Variants in PKD2L1 observed in about 807,000 individuals in gnomAD.
PKD2L1 encodes polycystin-2-like protein 1.
PKD2L1 carries 77 observed loss-of-function variants against 93.0 expected under a neutral mutation model. The ratio of observed to expected loss-of-function variants is 0.83; its 90% confidence interval spans 0.69 to 1.00. The LOEUF (loss-of-function observed/expected upper bound fraction) is 1.00. Ranked by LOEUF, PKD2L1 falls within the 50% of genes least tolerant of loss-of-function variation. The probability of loss-of-function intolerance (pLI) is 0.00; values close to 1 mark genes in which losing one functional copy is unlikely to be tolerated. For synonymous variants in PKD2L1, 390 were observed against 388.0 expected (o/e 1.01, Z -0.06); for missense variants, 977 against 990.9 (o/e 0.99, Z 0.19).
chr10:100,302,809 T>C (rs1024398960), intron 2 of PKD2L1, among the ~76,000 whole-genome samples: 1 of 152,232 alleles, frequency 6.6e-6, no homozygotes, highest in African/African-American at 2.4e-5. Flanking sequence ...ATAATTTTTT[T>C]CCTTTTGCTA....
At chr10:100,294,877 A>G (rs1589661744) in intron 8 of PKD2L1, 65 bp downstream of exon 8, 1 of 1,453,550 alleles carries the variant, frequency 6.9e-7, no homozygotes, top group East Asian at 2.3e-5. Flanking sequence ...TTCCCCAAGG[A>G]TACATACACC....
At chr10:100,289,471 G>A (rs1262483110) in intron 14 of PKD2L1, among the ~76,000 whole-genome samples, 6 of 152,142 alleles carry the variant, frequency 3.9e-5, no homozygotes, top group East Asian at 1.9e-4. Flanking sequence ...CTCAGGAGGC[G>A]GAGGTTGCAG....
At chr10:100,293,232 G>T (rs1197130135) in intron 10 of PKD2L1, 49 bp downstream of exon 10, 5 of 1,522,060 alleles carry the variant, frequency 3.3e-6, no homozygotes, top group Non-Finnish European at 4.6e-6. Context: ...CAGAGCCTTA[G>T]ACTGGGGCAC....
intron 2 of PKD2L1, among the ~76,000 whole-genome samples, chr10:100,304,308 C>T (rs1451134851): frequency 6.6e-6 from 1 of 152,180 alleles, no homozygotes; most frequent in East Asian, 1.9e-4. Context: ...TACTTTCCCA[C>T]CATTTTATGA....
At chr10:100,288,553 A>G (rs893365875) in intron 15 of PKD2L1, 75 bp from the exon 16 acceptor site, 13 of 913,956 alleles carry the variant, frequency 1.4e-5, no homozygotes, top group Admixed American at 1.7e-5. Flanking sequence ...AATAGGATTC[A>G]CTGGGAAGTA....
intron 2 of PKD2L1, among the ~76,000 whole-genome samples, chr10:100,320,460 G>A (rs138925602): frequency 6.6e-6 from 1 of 152,194 alleles, no homozygotes; most frequent in Non-Finnish European, 1.5e-5. Context: ...CCAAATTGCT[G>A]TGCAGGTGAT....
Position 100,298,564 on chromosome 10 carries a change from T to C in PKD2L1, c.729A>G (p.Thr243=), listed in dbSNP as rs773734296. The change falls in exon 4 of 16, where the codon ACA becomes ACG. Residue 243 remains threonine (T), a splice_region_variant and synonymous_variant. Transcript: ENST00000318222. ...ATTGGTAGGACAGGCTCACTCACGC[T>C]GTGCCATTGAAGGGCCCAAAGGGGA... ...EQLPFGPFNG[T]AWTYHSQDEL... is the part of the protein sequence containing the mutation. 1.1e-5 allele frequency: 17 copies of C among 1,614,128 alleles called. No individual in the cohort carries two copies. Among genetic ancestry groups the C allele is most frequent in the Non-Finnish European group, 1.4e-5 (17 of 1,179,974 alleles).
At chr10:100,299,552 A>G (rs1487972213) in intron 3 of PKD2L1, 39 bp downstream of exon 3, 2 of 1,600,774 alleles carry the variant, frequency 1.2e-6, no homozygotes, top group Admixed American at 1.7e-5. Flanking sequence ...CAGGCCATTG[A>G]GAAAGAGAGG....
chr10:100,291,306 CT>C lies in PKD2L1; in HGVS notation c.2001del (p.Glu668ArgfsTer12). ...EQEKMRQDLE[E>X]ERVALNTEIE... is the part of the protein sequence containing the mutation. The stretch of plus-strand genomic sequence containing the variant: ...CACCCATCAGCCCAGCTCACCCTCT[CT>C]TCCTCCAGGTCCTGTCGCATTTTTT... On this transcript the variant is annotated frameshift_variant, in exon 12 of 16. Transcript: ENST00000318222. LOFTEE classifies it high-confidence loss of function. 1 of 1,613,662 alleles carries C rather than the reference CT, an allele frequency of 6.2e-7. No homozygotes were observed. Among genetic ancestry groups the C allele is most frequent in the Non-Finnish European group, 8.5e-7 (1 of 1,179,712 alleles).
At chr10:100,291,609 C>G (rs891389213) in intron 11 of PKD2L1, among the ~76,000 whole-genome samples, 182 bp from the exon 12 acceptor site, 1 of 152,138 alleles carries the variant, frequency 6.6e-6, no homozygotes, top group Admixed American at 6.5e-5. Flanking sequence ...TTCTTCCTCT[C>G]CTGACTCCTG....
chr10:100,313,080 C>A (rs770954244), intron 2 of PKD2L1, among the ~76,000 whole-genome samples: 36 of 152,126 alleles, frequency 2.4e-4, no homozygotes, highest in Non-Finnish European at 4.3e-4. Context: ...GATGAGGCAG[C>A]GGTGATTCCA....
intron 3 of PKD2L1, 45 bp downstream of exon 3, chr10:100,299,546 C>T (rs1207041782): frequency 3.8e-6 from 6 of 1,585,412 alleles, no homozygotes; most frequent in South Asian, 1.1e-5. Flanking sequence ...TGGCCTCAGG[C>T]CATTGAGAAA....
chr10:100,321,376 CT>C (rs770628050), intron 2 of PKD2L1, among the ~76,000 whole-genome samples: 3 of 151,740 alleles, frequency 2.0e-5, no homozygotes, highest in Non-Finnish European at 4.4e-5. Context: ...AGGAGAATTG[CT>C]TGAATCCAGG....
At chr10:100,294,779 T>C in intron 8 of PKD2L1, 124 bp from the exon 9 acceptor site, 2 of 1,423,738 alleles carry the variant, frequency 1.4e-6, no homozygotes, top group South Asian at 2.5e-5. Flanking sequence ...GCAGGGTGCT[T>C]AGATTATTTA....
At chr10:100,295,731 CAAAA>C (rs71013441) in intron 7 of PKD2L1, among the ~76,000 whole-genome samples, 2 of 56,630 alleles carry the variant, frequency 3.5e-5, no homozygotes, top group African/African-American at 1.5e-4. Context: ...GACTTCGTCT[CAAAA>C]AAAAAAAAAA....
Position 100,297,220 on chromosome 10 carries a change from G to A in PKD2L1, c.957-12C>T, listed in dbSNP as rs367847029. ...ACTCCACCACCAGCCTATAGGGGGA[G>A]GGGGAGATGACCTCCAGTGGAGCCT... On this transcript the variant is annotated splice_polypyrimidine_tract_variant and intron_variant, in intron 5 of 15. Coordinates refer to ENST00000318222, the MANE Select transcript of PKD2L1 (RefSeq NM_016112.3). 15 of 1,610,894 alleles carry A rather than the reference G, an allele frequency of 9.3e-6. No individual in the cohort carries two copies. Among genetic ancestry groups the A allele is most frequent in the Non-Finnish European group, 1.2e-5 (14 of 1,177,912 alleles).
intron 2 of PKD2L1, among the ~76,000 whole-genome samples, chr10:100,314,431 G>C (rs1043911963): frequency 1.3e-5 from 2 of 152,126 alleles, no homozygotes; most frequent in East Asian, 1.9e-4. Context: ...AGAGAAGAGA[G>C]AGAAGGAAGC....
rs1589658697 is a variant in PKD2L1 at position 100,291,171 on chromosome 10, C to G, written c.2007+130G>C. The G allele has an allele frequency of 1.2e-5, 11 of 947,696 alleles. No individual in the cohort carries two copies. In the East Asian group the frequency reaches 2.7e-4, roughly 23 times the overall value. The allele number at this position is 947,696 out of a possible 1,614,324, so 58.7% of individuals were successfully genotyped here. On this transcript the variant is annotated intron_variant, in intron 12 of 15. Coordinates refer to ENST00000318222, the MANE Select transcript of PKD2L1 (RefSeq NM_016112.3). ...ATTCTAATGTGCAGCAGTTTGGGAACTACTATTCTAGAGAGTTCTTTACTA... is the reference window on the plus strand; with the variant it reads ...ATTCTAATGTGCAGCAGTTTGGGAAGTACTATTCTAGAGAGTTCTTTACTA...
chr10:100,303,200 T>TTTG (rs1848724449), intron 2 of PKD2L1, among the ~76,000 whole-genome samples: 2 of 144,322 alleles, frequency 1.4e-5, no homozygotes, highest in East Asian at 2.0e-4. Flanking sequence ...TGTTTTTTTG[T>TTTG]TTTTTTTTTT....
Sources: allele counts gnomAD v4.1 joint callset (sites outside exome capture counted in the v4.1 genomes callset), GRCh38; gene constraint gnomAD v4.1.1; transcripts MANE v1.5; gene names NCBI Gene and HGNC (gene_info 2026-07-23, HGNC 2026-07-21).